Variants in ATP7B observed in about 807,000 individuals in gnomAD.
ATP7B encodes the protein copper-transporting ATPase 2.
ATP7B carries 113 observed loss-of-function variants against 118.9 expected under a neutral mutation model. That is an observed-to-expected ratio of 0.95 (90% CI 0.82 to 1.11). ATP7B has a LOEUF of 1.11. Ranked by LOEUF, ATP7B falls within the 50% of genes most tolerant of loss-of-function variation. The probability of loss-of-function intolerance (pLI) is 0.00; values close to 1 mark genes in which losing one functional copy is unlikely to be tolerated. For synonymous variants in ATP7B, 777 were observed against 727.4 expected (o/e 1.07, Z -1.10); for missense variants, 1,867 against 1,871.4 (o/e 1.00, Z 0.04).
intron 1 of ATP7B, among the ~76,000 whole-genome samples, chr13:51,982,540 A>C (rs934873418): frequency 3.9e-5 from 6 of 152,216 alleles, no homozygotes; most frequent in Non-Finnish European, 7.3e-5. Flanking sequence ...TCCGGCTGGC[A>C]TCTGGCGGGA....
intron 2 of ATP7B, among the ~76,000 whole-genome samples, chr13:51,971,266 T>A (rs188374327): frequency 6.6e-6 from 1 of 152,322 alleles, no homozygotes; most frequent in African/African-American, 2.4e-5. Flanking sequence ...AAACAACAAA[T>A]AATTTTTACT....
At chr13:52,009,447 T>A (rs1438268880) in intron 1 of ATP7B, among the ~76,000 whole-genome samples, 1 of 152,196 alleles carries the variant, frequency 6.6e-6, no homozygotes, top group Admixed American at 6.5e-5. Flanking sequence ...CCAGGTCTCC[T>A]CTTCTCTCCC....
chr13:51,939,430 G>A (rs918883500), intron 16 of ATP7B, among the ~76,000 whole-genome samples: 2 of 152,158 alleles, frequency 1.3e-5, no homozygotes, highest in African/African-American at 2.4e-5. Flanking sequence ...ATAGGATTAC[G>A]AGTGATTTCA....
At chr13:51,945,406 GGGGAA>G (rs1957583510) in intron 13 of ATP7B, among the ~76,000 whole-genome samples, 1 of 152,150 alleles carries the variant, frequency 6.6e-6, no homozygotes, top group Admixed American at 6.5e-5. Flanking sequence ...ACCGCGGGGA[GGGGAA>G]GTTCCACCTC....
rs907466220 is a variant in ATP7B, at chr13:51,934,762, G to A, written c.4392C>T (p.Tyr1464=). 6.2e-7 allele frequency: 1 copy of A among 1,613,694 alleles called. No homozygotes were observed. Among genetic ancestry groups the A allele is most frequent in the Admixed American group, 1.7e-5 (1 of 60,032 alleles). ...LLLNGRDEEQ[Y]I ...GCCCGCCTGCCTGAAGTCATCAGATGTACTGCTCCTCATCCCTGCCATTCA... is the reference window on the plus strand; with the variant it reads ...GCCCGCCTGCCTGAAGTCATCAGATATACTGCTCCTCATCCCTGCCATTCA... Residue 1464 remains tyrosine, a synonymous_variant, in exon 21 of 21, where the codon TAC becomes TAT. Transcript: ENST00000242839.
intron 1 of ATP7B, among the ~76,000 whole-genome samples, chr13:51,987,092 T>C (rs1952689546): frequency 6.6e-6 from 1 of 152,070 alleles, no homozygotes; most frequent in Admixed American, 6.5e-5. Context: ...GAGAAAGAAA[T>C]AAAGGATATT....
At position 51,970,681 on chromosome 13, in the gene ATP7B, T is replaced by G. The variant is rs755563101; in HGVS notation, c.1354A>C (p.Thr452Pro). 1.2e-6 allele frequency: 2 copies of G among 1,613,848 alleles called. No individual in the cohort carries two copies. Among genetic ancestry groups the G allele is most frequent in the Non-Finnish European group, 1.7e-6 (2 of 1,179,796 alleles). Reference protein sequence around the residue: ...GNSMVQTTDGTPTSVQEVAPH... With the variant: ...GNSMVQTTDGPPTSVQEVAPH... ...GCCACTTCCTGCACAGATGTAGGTG[T>G]ACCATCTGTAGTTTGCACCATGGAA... The change falls in exon 3 of 21, where the codon ACA becomes CCA. Residue 452 changes from threonine to proline, a missense_variant. Physicochemically the swap from Thr to Pro is conservative, Grantham distance 38. Transcript: ENST00000242839.
chr13:51,963,309 C>T (rs537121304), intron 5 of ATP7B, among the ~76,000 whole-genome samples: 3 of 152,242 alleles, frequency 2.0e-5, no homozygotes, highest in African/African-American at 7.2e-5. Context: ...TTCTGCTGTC[C>T]GTGAGCTGGG....
chr13:51,946,191 T>C (rs1391315169), intron 13 of ATP7B, 93 bp downstream of exon 13: 1 of 1,488,026 alleles, frequency 6.7e-7, no homozygotes, highest in African/African-American at 1.4e-5. Flanking sequence ...CACTGCTGTC[T>C]TGAGTGGCTC....
chr13:51,982,054 T>C (rs1433210599), intron 1 of ATP7B, among the ~76,000 whole-genome samples: 1 of 151,756 alleles, frequency 6.6e-6, no homozygotes, highest in African/African-American at 2.4e-5. Flanking sequence ...TGTTAGCGTA[T>C]TTTATGTGTG....
chr13:51,953,644 G>A (rs1424675394), intron 9 of ATP7B, among the ~76,000 whole-genome samples: 2 of 152,058 alleles, frequency 1.3e-5, no homozygotes, highest in Non-Finnish European at 2.9e-5. Context: ...AGTGCTGAGC[G>A]ATAGGAACCC....
rs73184329 is a variant in ATP7B, at chr13:51,996,755, T to G, written c.51+14532A>C. On this transcript the variant is annotated intron_variant, in intron 1 of 20. Coordinates refer to ENST00000242839, the MANE Select transcript of ATP7B (RefSeq NM_000053.4). ...GAAAGGCAACACCAAGGCTGGTCCA[T>G]GCACCAAAGCCCCTTCGTGCCTGCT... 2.6e-3 allele frequency among the ~76,000 whole-genome samples: 402 copies of G among 152,334 alleles called. 2 individuals are homozygous for G. The highest frequency in any genetic ancestry group is 4.3e-3 in the Non-Finnish European group (290 of 68,034).
At chr13:51,968,879 T>C (rs1951703996) in intron 3 of ATP7B, among the ~76,000 whole-genome samples, 1 of 130,070 alleles carries the variant, frequency 7.7e-6, no homozygotes, top group Non-Finnish European at 1.7e-5. Context: ...TTTTTTTTTT[T>C]GAGATGGAAT....
intron 1 of ATP7B, among the ~76,000 whole-genome samples, chr13:52,010,453 A>G (rs1420205442): frequency 6.6e-6 from 1 of 152,268 alleles, no homozygotes; most frequent in Non-Finnish European, 1.5e-5. Flanking sequence ...AGAGAAAAAA[A>G]GTAGCAAACA....
At position 51,974,314 on chromosome 13, in the gene ATP7B, G is replaced by A. The variant is rs1951997193; in HGVS notation, c.906C>T (p.Asp302=). The change falls in exon 2 of 21, where the codon GAC becomes GAT. Residue 302 remains aspartate (D), a synonymous_variant. Coordinates refer to ENST00000242839, the MANE Select transcript of ATP7B (RefSeq NM_000053.4). The part of the protein sequence containing the change: ...LENKTAQVKY[D]PSCTSPVALQ... ...GAGCCACTGGGCTGGTACAAGAAGG[G>A]TCATACTTTACTTGGGCAGTTTTGT... The A allele has an allele frequency of 2.5e-6, 4 of 1,613,992 alleles. No homozygotes were observed. Among genetic ancestry groups the A allele is most frequent in the African/African-American group, 1.3e-5 (1 of 74,928 alleles).
At chr13:51,953,648 G>GCCTCTCCAAGTGCT (rs1958147878) in intron 9 of ATP7B, among the ~76,000 whole-genome samples, 4 of 152,002 alleles carry the variant, frequency 2.6e-5, no homozygotes, top group African/African-American at 9.7e-5. Flanking sequence ...CTGAGCGATA[G>GCCTCTCCAAGTGCT]GAACCCTCTT....
rs1240143006 is a variant in ATP7B, at chr13:51,935,631, G to C, written c.4086C>G (p.Ser1362=). Reference sequence around the variant, plus strand: ...GGGATGAGAGCACCACAGACACAGAGGAGGCTGCCATGGCCGCTGAGCCCA... The same window carrying C: ...GGGATGAGAGCACCACAGACACAGACGAGGCTGCCATGGCCGCTGAGCCCA... The part of the protein sequence containing the change: ...PWMGSAAMAA[S]SVSVVLSSLQ... The change falls in exon 20 of 21, where the codon TCC becomes TCG. Residue 1362 remains serine, a synonymous_variant. Coordinates refer to ENST00000242839, the MANE Select transcript of ATP7B (RefSeq NM_000053.4). The C allele has an allele frequency of 1.9e-6, 3 of 1,613,866 alleles. No individual in the cohort carries two copies. Among genetic ancestry groups the C allele is most frequent in the Non-Finnish European group, 2.5e-6 (3 of 1,179,964 alleles).
At chr13:51,967,403 T>C (rs1484079252) in intron 4 of ATP7B, among the ~76,000 whole-genome samples, 3 of 152,238 alleles carry the variant, frequency 2.0e-5, no homozygotes, top group African/African-American at 4.8e-5. Context: ...GTACACCTTT[T>C]CCAATAATCC....
chr13:51,990,717 T>C (rs1049498057), intron 1 of ATP7B, among the ~76,000 whole-genome samples: 4 of 152,220 alleles, frequency 2.6e-5, no homozygotes, highest in African/African-American at 4.8e-5. Flanking sequence ...TCACACCACT[T>C]CATTTATTGT....
Sources: allele counts gnomAD v4.1 joint callset (sites outside exome capture counted in the v4.1 genomes callset), GRCh38; gene constraint gnomAD v4.1.1; transcripts MANE v1.5; gene names NCBI Gene and HGNC (gene_info 2026-07-23, HGNC 2026-07-21).